Variants in MYO16 observed in about 807,000 individuals in gnomAD.
MYO16 encodes the protein myosin XVI, also known as unconventional myosin-XVI.
Under a neutral mutation model 205.3 loss-of-function variants are expected in MYO16, and 94 were observed. The ratio of observed to expected loss-of-function variants is 0.46; its 90% CI spans 0.39 to 0.54. MYO16 has a LOEUF of 0.54. Ranked by LOEUF, MYO16 falls within the 20% of genes least tolerant of loss-of-function variation. The pLI is 0.00. For missense variants in MYO16, 2,315 were observed against 2,387.5 expected, an observed-to-expected ratio of 0.97 and a Z score of 0.63; for synonymous variants, 988 against 954.0, an observed-to-expected ratio of 1.04 and a Z score of -0.66.
chr13:108,864,410 A>C (rs1878603311), intron 11 of MYO16, among the ~76,000 whole-genome samples: 2 of 152,278 alleles, frequency 1.3e-5, no homozygotes, highest in Non-Finnish European at 2.9e-5. Flanking sequence ...AAAATTTCAA[A>C]ATGTTTGGTG....
At chr13:108,770,187 A>G (rs1292849820) in intron 4 of MYO16, among the ~76,000 whole-genome samples, 1 of 152,172 alleles carries the variant, frequency 6.6e-6, no homozygotes, top group Admixed American at 6.5e-5. Context: ...CTCAATAAAT[A>G]TTTTCAATAA....
At chr13:108,731,148 C>T (rs1023089279) in intron 4 of MYO16, among the ~76,000 whole-genome samples, 26 of 152,154 alleles carry the variant, frequency 1.7e-4, no homozygotes, top group African/African-American at 6.0e-4. Flanking sequence ...CTAACTAACA[C>T]CAGCTTCAGG....
chr13:109,005,163 T>A (rs1025027001), intron 21 of MYO16, among the ~76,000 whole-genome samples: 2 of 152,142 alleles, frequency 1.3e-5, no homozygotes, highest in African/African-American at 4.8e-5. Flanking sequence ...GTCTCCTGGT[T>A]TATACAAATC....
intron 33 of MYO16, among the ~76,000 whole-genome samples, chr13:109,170,308 A>T (rs1878872682): frequency 6.6e-6 from 1 of 152,158 alleles, no homozygotes; most frequent in Non-Finnish European, 1.5e-5. Flanking sequence ...TAGTAACTAG[A>T]GAAATGTAAC....
At chr13:108,953,551 T>C (rs1883235139) in intron 16 of MYO16, among the ~76,000 whole-genome samples, 3 of 151,710 alleles carry the variant, frequency 2.0e-5, no homozygotes, top group African/African-American at 7.3e-5. Context: ...TAATAAAGAT[T>C]TAAATGTTTT....
chr13:108,622,380 G>A (rs116647690), intron 1 of MYO16, among the ~76,000 whole-genome samples: 1 of 152,200 alleles, frequency 6.6e-6, no homozygotes, highest in African/African-American at 2.4e-5. Flanking sequence ...TCAACCAGGT[G>A]ACCTGACCTT....
chr13:108,831,877 GAGA>G (rs2139042626), intron 9 of MYO16, among the ~76,000 whole-genome samples: 1 of 152,282 alleles, frequency 6.6e-6, no homozygotes, highest in South Asian at 2.1e-4. Context: ...AGAAGATCTG[GAGA>G]AGGTTACCAT....
intron 4 of MYO16, among the ~76,000 whole-genome samples, chr13:108,764,723 T>C (rs1885723165): frequency 6.6e-6 from 1 of 152,192 alleles, no homozygotes; most frequent in Non-Finnish European, 1.5e-5. Context: ...TCAGTAGACT[T>C]CCTTGTGAAA....
chr13:109,088,020 G>T (rs1239957343), intron 27 of MYO16, among the ~76,000 whole-genome samples: 1 of 152,142 alleles, frequency 6.6e-6, no homozygotes, highest in Non-Finnish European at 1.5e-5. Context: ...TAAAGATATC[G>T]ATTTGAATGT....
chr13:108,542,390 A>G, the MYO16 span, among the ~76,000 whole-genome samples: 2 of 152,184 alleles, frequency 1.3e-5, no homozygotes, highest in Admixed American at 1.3e-4. Context: ...GCGTGATGAA[A>G]TAATCTGTAA....
rs1877086345 is a variant in MYO16, at chr13:109,141,342, A to G, written c.5130A>G (p.Lys1710=). 4 of 1,555,474 alleles carry G rather than the reference A, an allele frequency of 2.6e-6. No individual in the cohort carries two copies. Among genetic ancestry groups the G allele is most frequent in the Non-Finnish European group, 3.5e-6 (4 of 1,155,170 alleles). ...ACTCGGGGAGGAGTGTGCTTCGGAA[A>G]TCCGCGGCGGGAAGAAAAATCAGGG... ...LFNSGRSVLR[K]SAAGRKIREA... Residue 1710 remains lysine, a synonymous_variant, in exon 32 of 35, where the codon AAA becomes AAG. Transcript: ENST00000457511. The surrounding 1 kb of genome is among the most constrained non-coding windows in gnomAD (Gnocchi z 4.1).
intron 16 of MYO16, among the ~76,000 whole-genome samples, chr13:108,956,337 G>T (rs113434018): frequency 6.6e-6 from 1 of 151,536 alleles, no homozygotes; most frequent in Non-Finnish European, 1.5e-5. Flanking sequence ...CTCCCCATCC[G>T]TCCTCTTCTT....
At chr13:108,734,664 G>A (rs111232074) in intron 4 of MYO16, among the ~76,000 whole-genome samples, 5,406 of 152,334 alleles carry the variant, frequency 0.035, 295 homozygotes, top group African/African-American at 0.12. Flanking sequence ...AGCATACACA[G>A]AACTGTTCTA....
At chr13:109,083,070 CT>C (rs1888329330) in intron 27 of MYO16, among the ~76,000 whole-genome samples, 1 of 152,042 alleles carries the variant, frequency 6.6e-6, no homozygotes, top group Admixed American at 6.6e-5. Context: ...GAATATAAAG[CT>C]TATGCAAATG....
chr13:108,698,748 T>C (rs1416164039), intron 2 of MYO16, among the ~76,000 whole-genome samples: 2 of 152,340 alleles, frequency 1.3e-5, no homozygotes, highest in Non-Finnish European at 2.9e-5. Flanking sequence ...AGCCACATGC[T>C]CAATAATTCT....
intron 20 of MYO16, among the ~76,000 whole-genome samples, chr13:108,965,908 GTA>G (rs907365988): frequency 6.6e-5 from 10 of 152,114 alleles, no homozygotes; most frequent in Admixed American, 1.3e-4. Flanking sequence ...TTAGTCATCC[GTA>G]TAGACTTCTT....
At chr13:109,132,483 A>G (rs1402788494) in intron 31 of MYO16, among the ~76,000 whole-genome samples, 1 of 150,826 alleles carries the variant, frequency 6.6e-6, no homozygotes, top group African/African-American at 2.5e-5. Context: ...CTAGAACAAC[A>G]TGTGTCACAT....
intron 9 of MYO16, 35 bp from the exon 10 acceptor site, chr13:108,844,308 G>T (rs768572518): frequency 1.3e-6 from 2 of 1,569,358 alleles, no homozygotes; most frequent in South Asian, 1.2e-5. Flanking sequence ...ACATTAGAAA[G>T]AGACTAATTG....
intron 1 of MYO16, among the ~76,000 whole-genome samples, chr13:108,597,103 A>T (rs537853181): frequency 9.2e-5 from 14 of 152,354 alleles, no homozygotes; most frequent in African/African-American, 3.1e-4. Context: ...AAGTTAAAAA[A>T]TAACAGCCAT....
Sources: gnomAD v4.1 joint callset for allele counts (sites outside exome capture counted in the v4.1 genomes callset) on GRCh38, gnomAD v4.1.1 for gene constraint, Gnocchi (gnomAD v3.1) non-coding constraint, MANE v1.5 for transcripts, NCBI Gene and HGNC (gene_info 2026-07-23, HGNC 2026-07-21) for gene names.